PTPN13: variants seen among roughly 807,000 people sequenced by gnomAD.
The protein encoded by PTPN13 is tyrosine-protein phosphatase non-receptor type 13.
A neutral mutation model predicts 284.0 loss-of-function variants in PTPN13; 191 were observed. That is an observed-to-expected ratio of 0.67 (90% confidence interval 0.60 to 0.76). The LOEUF (loss-of-function observed/expected upper bound fraction) is 0.76. Among genes scored for constraint, PTPN13 ranks in the 30% least tolerant of loss-of-function variants. PTPN13 has a pLI of 0.00. For missense variants in PTPN13, 2,797 were observed against 2,939.9 expected, an observed-to-expected ratio of 0.95 and a Z score of 1.12; for synonymous variants, 986 against 1,022.3, an observed-to-expected ratio of 0.96 and a Z score of 0.68.
At chr4:86,615,139 C>T (rs1720399420) in intron 1 of PTPN13, among the ~76,000 whole-genome samples, 4 of 152,150 alleles carry the variant, frequency 2.6e-5, no homozygotes, top group African/African-American at 9.6e-5. Context: ...AAGGATTTAT[C>T]GTGTTTTGTT....
chr4:86,618,515 G>A (rs1266884860), intron 1 of PTPN13, among the ~76,000 whole-genome samples: 2 of 152,048 alleles, frequency 1.3e-5, no homozygotes, highest in African/African-American at 4.8e-5. Flanking sequence ...AATTACCTTG[G>A]GCATTATGGC....
chr4:86,768,596 T>C (rs1318467172), intron 28 of PTPN13, among the ~76,000 whole-genome samples: 1 of 151,970 alleles, frequency 6.6e-6, no homozygotes, highest in African/African-American at 2.4e-5. Flanking sequence ...TCTGAATCAG[T>C]CCCCAAAATA....
chr4:86,756,752 T>G (rs1241790163), intron 20 of PTPN13, among the ~76,000 whole-genome samples: 1 of 152,196 alleles, frequency 6.6e-6, no homozygotes, highest in Non-Finnish European at 1.5e-5. Context: ...ACAAAATTAC[T>G]ATTTGTTTTG....
At chr4:86,753,547 G>T (rs988694982) in intron 20 of PTPN13, among the ~76,000 whole-genome samples, 2 of 151,790 alleles carry the variant, frequency 1.3e-5, no homozygotes, top group Non-Finnish European at 3.0e-5. Context: ...TGAGAACTAA[G>T]TAGGGACCAG....
intron 40 of PTPN13, among the ~76,000 whole-genome samples, chr4:86,791,712 A>G (rs1344811939): frequency 6.6e-6 from 1 of 152,216 alleles, no homozygotes; most frequent in Non-Finnish European, 1.5e-5. Context: ...ATACCCAGGC[A>G]AACAGGGTCT....
At chr4:86,747,714 C>A (rs1736941797) in intron 17 of PTPN13, among the ~76,000 whole-genome samples, 1 of 152,206 alleles carries the variant, frequency 6.6e-6, no homozygotes, top group Admixed American at 6.5e-5. Flanking sequence ...CCCAGGATCA[C>A]AACAGCTATG....
intron 2 of PTPN13, among the ~76,000 whole-genome samples, chr4:86,655,679 T>C (rs1725709815): frequency 6.6e-6 from 1 of 152,198 alleles, no homozygotes; most frequent in Admixed American, 6.5e-5. Flanking sequence ...TTAACATTTT[T>C]TCCTTCATTT....
At chr4:86,629,852 G>C (rs575524961) in intron 1 of PTPN13, among the ~76,000 whole-genome samples, 3 of 151,996 alleles carry the variant, frequency 2.0e-5, no homozygotes, top group Non-Finnish European at 4.4e-5. Context: ...CACCTCCCAG[G>C]CTCAAGCAAT....
chr4:86,677,621 T>A (rs553413355), intron 3 of PTPN13, among the ~76,000 whole-genome samples: 1 of 151,396 alleles, frequency 6.6e-6, no homozygotes, highest in African/African-American at 2.4e-5. Context: ...CCGGTAAATT[T>A]AATCTTGTGT....
intron 38 of PTPN13, 22 bp from the exon 39 acceptor site, chr4:86,785,209 A>T (rs1174472786): frequency 6.8e-7 from 1 of 1,468,874 alleles, no homozygotes; most frequent in African/African-American, 1.4e-5. Flanking sequence ...GTAAAACCCC[A>T]TGTAAATTAT....
At chr4:86,757,341 T>G (rs1160845778) in intron 20 of PTPN13, among the ~76,000 whole-genome samples, 1 of 152,206 alleles carries the variant, frequency 6.6e-6, no homozygotes, top group Non-Finnish European at 1.5e-5. Flanking sequence ...TAACTGTTAC[T>G]CCTCATCTGC....
intron 28 of PTPN13, among the ~76,000 whole-genome samples, chr4:86,768,708 T>C (rs1370444869): frequency 1.4e-5 from 2 of 147,838 alleles, no homozygotes; most frequent in Non-Finnish European, 3.0e-5. Flanking sequence ...ATTTCTTCCA[T>C]CTTTTTTTTT....
intron 2 of PTPN13, among the ~76,000 whole-genome samples, chr4:86,647,537 T>G (rs1724582468): frequency 6.6e-6 from 1 of 151,688 alleles, no homozygotes; most frequent in Admixed American, 6.6e-5. Context: ...TTTTTAAAAA[T>G]GAGAAAAATT....
chr4:86,668,848 C>G (rs1727396319), intron 2 of PTPN13, among the ~76,000 whole-genome samples: 2 of 147,732 alleles, frequency 1.4e-5, no homozygotes, highest in Admixed American at 1.4e-4. Context: ...CTCAGGTGAT[C>G]TGCCCACCTC....
chr4:86,599,863 T>C (rs1196101089), intron 1 of PTPN13, among the ~76,000 whole-genome samples: 1 of 152,194 alleles, frequency 6.6e-6, no homozygotes, highest in Non-Finnish European at 1.5e-5. Flanking sequence ...TTATTACTTA[T>C]ATCAGTATGC....
At chr4:86,663,324 G>T (rs188315512) in intron 2 of PTPN13, among the ~76,000 whole-genome samples, 44 of 152,322 alleles carry the variant, frequency 2.9e-4, no homozygotes, top group African/African-American at 9.4e-4. Flanking sequence ...GGGGGGGTTT[G>T]CACTGTTTGA....
intron 40 of PTPN13, among the ~76,000 whole-genome samples, chr4:86,791,045 C>T (rs1742585026): frequency 6.6e-6 from 1 of 152,112 alleles, no homozygotes; most frequent in Non-Finnish European, 1.5e-5. Context: ...GGGGCGTCGC[C>T]TCACACGGGA....
chr4:86,641,159 G>A (rs753767123), intron 2 of PTPN13, among the ~76,000 whole-genome samples: 1 of 152,028 alleles, frequency 6.6e-6, no homozygotes, highest in Non-Finnish European at 1.5e-5. Flanking sequence ...CTCTTGTAAC[G>A]AATTGAAATA....
At chr4:86,641,730 T>C (rs1241175434) in intron 2 of PTPN13, among the ~76,000 whole-genome samples, 1 of 152,150 alleles carries the variant, frequency 6.6e-6, no homozygotes, top group East Asian at 1.9e-4. Flanking sequence ...TTTGTTGCCT[T>C]GTGGTTACTA....
Sources: gnomAD v4.1 joint callset for allele counts (sites outside exome capture counted in the v4.1 genomes callset) on GRCh38, gnomAD v4.1.1 for gene constraint, MANE v1.5 for transcripts, NCBI Gene and HGNC (gene_info 2026-07-23, HGNC 2026-07-21) for gene names.